ZFHX3: variants seen among roughly 807,000 people sequenced by gnomAD.
The protein encoded by ZFHX3 is zinc finger homeobox 3, also known as zinc finger homeobox protein 3.
A neutral mutation model predicts 279.1 loss-of-function variants in ZFHX3; 42 were observed. The ratio of observed to expected loss-of-function variants is 0.15; its 90% CI spans 0.12 to 0.19. The LOEUF (loss-of-function observed/expected upper bound fraction) is 0.19. Among genes scored for constraint, ZFHX3 ranks in the 10% least tolerant of loss-of-function variants. The pLI, the probability that ZFHX3 is intolerant of heterozygous loss-of-function variation, is 1.00. For synonymous variants in ZFHX3, 2,293 were observed against 1,957.8 expected (o/e 1.17, Z -4.52); for missense variants, 4,981 against 4,754.0 (o/e 1.05, Z -1.40).
intron 5 of ZFHX3, among the ~76,000 whole-genome samples, chr16:73,191,799 G>A: frequency 6.6e-6 from 1 of 152,124 alleles, no homozygotes; most frequent in East Asian, 1.9e-4. Context: ...GGCTGCCCTG[G>A]GAATCTCTTA....
At chr16:73,127,154 C>G in intron 7 of ZFHX3, 1 of 341,170 alleles carries the variant, frequency 2.9e-6, no homozygotes. Context: ...GTCATTGCCT[C>G]AAATAGCTGA....
At chr16:72,980,735 CA>C (rs1239576324) in intron 1 of ZFHX3, among the ~76,000 whole-genome samples, 1 of 152,036 alleles carries the variant, frequency 6.6e-6, no homozygotes, top group Non-Finnish European at 1.5e-5. Flanking sequence ...GCTTGGGCCA[CA>C]GAGTGAGACC....
chr16:73,428,449 C>T (rs1033782973), intron 3 of ZFHX3, among the ~76,000 whole-genome samples: 4 of 152,222 alleles, frequency 2.6e-5, no homozygotes, highest in Admixed American at 6.5e-5. Context: ...AACACCTCCC[C>T]GCGCTCCCTC....
rs115039767 is a variant in ZFHX3 at position 73,185,799 on chromosome 16, G to A, written c.-1103-41968C>T. Among the ~76,000 whole-genome samples, 358 of 152,142 alleles carry A rather than the reference G, an allele frequency of 2.4e-3. 1 individual carries two copies. The highest frequency in any genetic ancestry group is 7.9e-3 in the African/African-American group (328 of 41,496). ...GGCCCCCTAGATCCCCAGCCACAGG[G>A]GTCCCCAATCCCCGGGCCACGGACC... On this transcript the variant is annotated intron_variant, in intron 5 of 17. Transcript: ENST00000641206.
intron 2 of ZFHX3, among the ~76,000 whole-genome samples, chr16:73,665,898 G>T (rs1053554841): frequency 6.9e-6 from 1 of 145,350 alleles, no homozygotes; most frequent in Admixed American, 7.1e-5. Context: ...TCACTGCAAG[G>T]TCTGCCTCCC....
chr16:73,339,939 TACTTGTA>T (rs1321565357), intron 3 of ZFHX3, among the ~76,000 whole-genome samples: 2 of 152,192 alleles, frequency 1.3e-5, no homozygotes, highest in African/African-American at 4.8e-5. Flanking sequence ...CCCAGCAAAT[TACTTGTA>T]AAGTTGGCAG....
At chr16:73,688,218 A>G (rs565203778) in intron 1 of ZFHX3, among the ~76,000 whole-genome samples, 24 of 151,976 alleles carry the variant, frequency 1.6e-4, no homozygotes, top group African/African-American at 5.1e-4. Flanking sequence ...TTAACCAGGC[A>G]TAGTGGCACA....
intron 2 of ZFHX3, among the ~76,000 whole-genome samples, chr16:73,622,374 A>C (rs983121201): frequency 1.3e-5 from 2 of 152,214 alleles, no homozygotes; most frequent in South Asian, 2.1e-4. Context: ...CTGGCTAACA[A>C]GGTGAAACCC....
At chr16:72,889,627 A>T in intron 4 of ZFHX3, 104 bp downstream of exon 4, 1 of 1,092,052 alleles carries the variant, frequency 9.2e-7, no homozygotes, top group Non-Finnish European at 1.3e-6. Context: ...CATGAGGACC[A>T]GCTGGATCAG....
chr16:73,515,287 G>A (rs1382104342), intron 2 of ZFHX3, among the ~76,000 whole-genome samples: 2 of 152,166 alleles, frequency 1.3e-5, no homozygotes, highest in Non-Finnish European at 2.9e-5. Context: ...GGATGTGCAA[G>A]ACACACCACC....
chr16:73,872,766 T>A (rs1466064153), intron 1 of ZFHX3, among the ~76,000 whole-genome samples: 1 of 61,978 alleles, frequency 1.6e-5, no homozygotes, highest in Admixed American at 2.3e-4. Context: ...GTGGTGGTGG[T>A]AGCTGGTGGA....
chr16:73,055,923 G>T (rs1365401131), intron 1 of ZFHX3, among the ~76,000 whole-genome samples: 1 of 152,022 alleles, frequency 6.6e-6, no homozygotes, highest in East Asian at 1.9e-4. Flanking sequence ...AAAGTCCACA[G>T]ATCTGAATCG....
At position 73,437,043 on chromosome 16, in the gene ZFHX3, G is replaced by A. The variant is rs967883356; in HGVS notation, c.-1291+18960C>T. On this transcript the variant is annotated intron_variant, in intron 3 of 17. Transcript: ENST00000641206. ...GGGGAGGCCTGGAGCTCAGCAGTCT[G>A]CCTGACACCGCAATCTGGAAGCTCT... Among the ~76,000 whole-genome samples, 4 of 152,310 alleles carry A rather than the reference G, an allele frequency of 2.6e-5. No homozygotes were observed. The East Asian group carries it at 7.7e-4, about 29-fold the overall frequency.
chr16:72,921,394 C>G (rs1597379191), intron 3 of ZFHX3, among the ~76,000 whole-genome samples: 1 of 152,192 alleles, frequency 6.6e-6, no homozygotes, highest in East Asian at 1.9e-4. Flanking sequence ...GGGCATCAGA[C>G]ACGACTATCG....
intron 2 of ZFHX3, among the ~76,000 whole-genome samples, chr16:73,648,045 G>A (rs1319297405): frequency 6.6e-6 from 1 of 152,164 alleles, no homozygotes; most frequent in Non-Finnish European, 1.5e-5. Context: ...CTGTTGATGA[G>A]AATGTAAATT....
chr16:72,860,867 T>C (rs2037872246), intron 4 of ZFHX3, among the ~76,000 whole-genome samples: 1 of 152,208 alleles, frequency 6.6e-6, no homozygotes, highest in South Asian at 2.1e-4. Context: ...GCCTGGCTGT[T>C]CCTCTGACAG....
At chr16:73,621,642 A>G (rs183628814) in intron 2 of ZFHX3, among the ~76,000 whole-genome samples, 24 of 152,308 alleles carry the variant, frequency 1.6e-4, no homozygotes, top group African/African-American at 4.8e-4. Context: ...CACATCTCAG[A>G]AAAACAGTTC....
chr16:73,873,503 C>T (rs2029875577), intron 1 of ZFHX3, among the ~76,000 whole-genome samples: 1 of 151,896 alleles, frequency 6.6e-6, no homozygotes, highest in African/African-American at 2.4e-5. Context: ...GTATAGTGAG[C>T]TCACACCAAT....
intron 1 of ZFHX3, among the ~76,000 whole-genome samples, chr16:72,979,627 G>C (rs1385097764): frequency 6.6e-6 from 1 of 152,104 alleles, no homozygotes; most frequent in African/African-American, 2.4e-5. Flanking sequence ...ATAAGACATG[G>C]ACCCCGAAAT....
Sources: gnomAD v4.1 joint callset for allele counts (sites outside exome capture counted in the v4.1 genomes callset) on GRCh38, gnomAD v4.1.1 for gene constraint, MANE v1.5 for transcripts, NCBI Gene and HGNC (gene_info 2026-07-23, HGNC 2026-07-21) for gene names.